The following IFIT3 variants were observed in gnomAD, a reference collection of about 807,000 sequenced individuals.
IFIT3 encodes the protein interferon induced protein with tetratricopeptide repeats 3.
In IFIT3, 2 loss-of-function variants were observed where a neutral mutation model predicts 2.4. The ratio of observed to expected loss-of-function variants is 0.82; its 90% CI spans 0.34 to 2.60. The LOEUF (loss-of-function observed/expected upper bound fraction) is 2.60. IFIT3 is among the 30% of genes most tolerant of loss of function. IFIT3 has a pLI of 0.11. For missense variants in IFIT3, 481 were observed against 562.4 expected, an observed-to-expected ratio of 0.86 and a Z score of 1.46; for synonymous variants, 203 against 212.1, an observed-to-expected ratio of 0.96 and a Z score of 0.37.
At position 89,339,512 on chromosome 10, in the gene IFIT3, A is replaced by G; in HGVS notation, c.857A>G (p.Lys286Arg). 6.2e-7 allele frequency: 1 copy of G among 1,614,178 alleles called. No individual in the cohort carries two copies. Among genetic ancestry groups the G allele is most frequent in the South Asian group, 1.1e-5 (1 of 91,084 alleles). The change falls in exon 2 of 2, where the codon AAG (lysine) becomes AGG (arginine). Residue 286 changes from lysine (K) to arginine (R), a missense_variant. Physicochemically the swap from Lys to Arg is conservative, Grantham distance 26. Coordinates refer to ENST00000371818, the MANE Select transcript of IFIT3 (RefSeq NM_001549.6). ...TATCACCAGATTGGGTGCTGCTACAAGGCAAAAGTAAGACAAATGCAGAAT... is the reference window on the plus strand; with the variant it reads ...TATCACCAGATTGGGTGCTGCTACAGGGCAAAAGTAAGACAAATGCAGAAT... ...YLYHQIGCCY[K>R]AKVRQMQNTG...
chr10:89,340,038 T>C lies in IFIT3; in HGVS notation c.1383T>C (p.Ser461=), dbSNP rs1843836146. The C allele has an allele frequency of 6.2e-7, 1 of 1,614,046 alleles. No homozygotes were observed. The highest frequency in any genetic ancestry group is 1.3e-5 in the African/African-American group (1 of 74,940). Residue 461 remains serine, a synonymous_variant, in exon 2 of 2, where the codon TCT becomes TCC. Transcript: ENST00000371818. ...TAGGCAGTATTTTCCTGTCAGCATC[T>C]GAGCTTGAGGATGGTAGTGAGGAAA... ...SGIGSIFLSA[S]ELEDGSEEMG...
In IFIT3 at chr10:89,340,209, A is replaced by C; in HGVS notation, c.*81A>C. ...GACGATAGGAAGACAGGGGGCCCCA[A>C]CCTGGGATTGCTGAGCAGGGAAGCT... On this transcript the variant is annotated 3_prime_UTR_variant, in exon 2 of 2. Coordinates refer to ENST00000371818, the MANE Select transcript of IFIT3 (RefSeq NM_001549.6). 2.1e-6 allele frequency: 3 copies of C among 1,411,140 alleles called. No individual in the cohort carries two copies. The highest frequency in any genetic ancestry group is 1.9e-6 in the Non-Finnish European group (2 of 1,051,770). The allele number at this position is 1,411,140 out of a possible 1,614,324, so 87.4% of individuals were successfully genotyped here.
chr10:89,340,073 G>A lies in IFIT3; in HGVS notation c.1418G>A (p.Gly473Asp), dbSNP rs1200174768. 1.9e-6 allele frequency: 3 copies of A among 1,613,414 alleles called. No individual in the cohort carries two copies. In the Admixed American group the frequency reaches 5.0e-5, roughly 27 times the overall value. ...GATGGTAGTGAGGAAATGGGCCAGG[G>A]CGCAGTCAGCTCCAGTCCCAGAGAG... The part of the protein sequence containing the change: ...LEDGSEEMGQ[G>D]AVSSSPRELL... Residue 473 changes from glycine (G) to aspartate (D), a missense_variant, in exon 2 of 2, where the codon GGC becomes GAC. Coordinates refer to ENST00000371818, the MANE Select transcript of IFIT3 (RefSeq NM_001549.6).
chr10:89,333,962 T>G (rs1224403646), intron 1 of IFIT3, among the ~76,000 whole-genome samples: 1 of 152,236 alleles, frequency 6.6e-6, no homozygotes, highest in Non-Finnish European at 1.5e-5. Flanking sequence ...TCTGAAGTGA[T>G]GGACTCCTTG....
chr10:89,338,901 G>T lies in IFIT3; in HGVS notation c.246G>T (p.Gln82His), dbSNP rs749945253. Residue 82 changes from glutamine (Q) to histidine (H), a missense_variant, in exon 2 of 2, where the codon CAG becomes CAT. Coordinates refer to ENST00000371818, the MANE Select transcript of IFIT3 (RefSeq NM_001549.6). ...TACGGCAAGCTGAAGAGTTAATCCA[G>T]CAAGAACATGCTGACCAAGCAGAAA... Reference protein sequence around the residue: ...ECLRQAEELIQQEHADQAEIR... With the variant: ...ECLRQAEELIHQEHADQAEIR... 21 of 1,614,048 alleles carry T rather than the reference G, an allele frequency of 1.3e-5. No homozygotes were observed. Among genetic ancestry groups the T allele is most frequent in the Non-Finnish European group, 1.8e-5 (21 of 1,180,034 alleles).
chr10:89,340,284 C>A lies in IFIT3; in HGVS notation c.*156C>A, dbSNP rs12242568. 2 of 725,476 alleles carry A rather than the reference C, an allele frequency of 2.8e-6. No individual in the cohort carries two copies. Among genetic ancestry groups the A allele is most frequent in the Non-Finnish European group, 4.2e-6 (2 of 470,600 alleles). The allele number at this position is 725,476 out of a possible 1,614,324, so 44.9% of individuals were successfully genotyped here. A position where few individuals can be genotyped will look rare whatever the true frequency, so the allele number is the denominator to read the frequency against. ...TTTAAAGAGTTGTTTTTTGGCCGGG[C>A]GCAGTGGCTCATGCCTGTAATCCCA... On this transcript the variant is annotated 3_prime_UTR_variant, in exon 2 of 2. Coordinates refer to ENST00000371818, the MANE Select transcript of IFIT3 (RefSeq NM_001549.6).
chr10:89,332,628 GTAAA>G, intron 1 of IFIT3: 16 of 1,613,980 alleles, frequency 9.9e-6, no homozygotes, highest in Non-Finnish European at 1.4e-5. Flanking sequence ...CCATCATGAG[GTAAA>G]TAGTCCCTGC....
chr10:89,332,528 G>T (rs1359587980), intron 1 of IFIT3: 1 of 1,611,488 alleles, frequency 6.2e-7, no homozygotes, highest in Non-Finnish European at 8.5e-7. Context: ...CAGCACCCTG[G>T]GTGGAAACCT....
At chr10:89,338,535 G>A (rs1256596233) in intron 1 of IFIT3, 126 bp from the exon 2 acceptor site, 1 of 890,408 alleles carries the variant, frequency 1.1e-6, no homozygotes, top group African/African-American at 1.7e-5. Context: ...TACATACCCA[G>A]AAATAATGTT....
rs1268846981 is a variant in IFIT3 at position 89,340,770 on chromosome 10, C to G, written c.*642C>G. 1 of 152,090 alleles carries G rather than the reference C, an allele frequency of 6.6e-6. No individual in the cohort carries two copies. Among genetic ancestry groups the G allele is most frequent in the Non-Finnish European group, 1.5e-5 (1 of 68,016 alleles). The allele number at this position is 152,090 out of a possible 1,614,324, so 9.4% of individuals were successfully genotyped here. A position where few individuals can be genotyped will look rare whatever the true frequency, so the allele number is the denominator to read the frequency against. ...AGGGTCATAAATGGTGACTGCCTAA[C>G]AACAAAATTTGCAGTCTCATCTCAT... On this transcript the variant is annotated 3_prime_UTR_variant, in exon 2 of 2. Transcript: ENST00000371818.
Position 89,339,420 on chromosome 10 carries a change from T to C in IFIT3, c.765T>C (p.Gly255=). 6.2e-7 allele frequency: 1 copy of C among 1,614,170 alleles called. No individual in the cohort carries two copies. Among genetic ancestry groups the C allele is most frequent in the Non-Finnish European group, 8.5e-7 (1 of 1,180,032 alleles). ...CAGCCAAATTTTACAGAAGAAAAGG[T>C]GACCTAGACAAAGCTATTGAACTGT... ...RSAAKFYRRK[G]DLDKAIELFQ... is the part of the protein sequence containing the mutation. Residue 255 remains glycine, a synonymous_variant, in exon 2 of 2, where the codon GGT becomes GGC. Transcript: ENST00000371818.
At chr10:89,336,206 A>G (rs1350916928) in intron 1 of IFIT3, among the ~76,000 whole-genome samples, 1 of 149,670 alleles carries the variant, frequency 6.7e-6, no homozygotes, top group Non-Finnish European at 1.5e-5. Context: ...AAGAAGGAAA[A>G]TAGGGAGGGA....
At position 89,338,913 on chromosome 10, in the gene IFIT3, T is replaced by G; in HGVS notation, c.258T>G (p.Ala86=). Reference sequence around the variant, plus strand: ...AAGAGTTAATCCAGCAAGAACATGCTGACCAAGCAGAAATCAGAAGTCTAG... The same window carrying G: ...AAGAGTTAATCCAGCAAGAACATGCGGACCAAGCAGAAATCAGAAGTCTAG... The part of the protein sequence containing the change: ...QAEELIQQEH[A]DQAEIRSLVT... The change falls in exon 2 of 2, where the codon GCT becomes GCG. Residue 86 remains alanine (A), a synonymous_variant. Transcript: ENST00000371818. The G allele has an allele frequency of 6.2e-7, 1 of 1,614,166 alleles. No individual in the cohort carries two copies. The highest frequency in any genetic ancestry group is 8.5e-7 in the Non-Finnish European group (1 of 1,180,020).
chr10:89,338,835 A>G lies in IFIT3; in HGVS notation c.180A>G (p.Ile60Met). 1.2e-6 allele frequency: 2 copies of G among 1,614,204 alleles called. No individual in the cohort carries two copies. The highest frequency in any genetic ancestry group is 2.2e-5 in the South Asian group (2 of 91,084). The change falls in exon 2 of 2, where the codon ATA becomes ATG. Residue 60 changes from isoleucine to methionine, a missense_variant. Physicochemically the swap from Ile to Met is conservative, Grantham distance 10. Coordinates refer to ENST00000371818, the MANE Select transcript of IFIT3 (RefSeq NM_001549.6). ...CAATGTACAACTTGTTGGCCTACAT[A>G]AAACACCTAGATGGTAACAACGAGG... ...KATMYNLLAYIKHLDGNNEAA... is the reference protein window; with the variant it reads ...KATMYNLLAYMKHLDGNNEAA...
chr10:89,331,800 A>C (rs1190560415), intron 1 of IFIT3, among the ~76,000 whole-genome samples: 1 of 148,438 alleles, frequency 6.7e-6, no homozygotes, highest in East Asian at 2.0e-4. Context: ...CAGAGGTTGC[A>C]GTAAGCTGAG....
chr10:89,338,436 T>C (rs9663533), intron 1 of IFIT3: 16,838 of 519,140 alleles, frequency 0.032, 986 homozygotes, highest in African/African-American at 0.18. Context: ...CTCAACAGAA[T>C]GGATAATGCC....
chr10:89,337,981 T>C (rs561101852), intron 1 of IFIT3, among the ~76,000 whole-genome samples: 2 of 152,334 alleles, frequency 1.3e-5, no homozygotes, highest in East Asian at 1.9e-4. Flanking sequence ...TAGTATAAAA[T>C]AGGCTTTGTG....
chr10:89,329,707 C>CAAAT (rs2133539654), intron 1 of IFIT3, among the ~76,000 whole-genome samples: 1 of 152,272 alleles, frequency 6.6e-6, no homozygotes, highest in East Asian at 1.9e-4. Flanking sequence ...AATTATAACA[C>CAAAT]AAATATATTA....
At chr10:89,332,497 T>C in intron 1 of IFIT3, 1 of 1,572,082 alleles carries the variant, frequency 6.4e-7, no homozygotes, top group Non-Finnish European at 8.6e-7. Flanking sequence ...CCTTTCCCCT[T>C]TCATAAAAGC....
Sources: allele counts gnomAD v4.1 joint callset (sites outside exome capture counted in the v4.1 genomes callset), GRCh38; gene constraint gnomAD v4.1.1; transcripts MANE v1.5; gene names NCBI Gene and HGNC (gene_info 2026-07-23, HGNC 2026-07-21).